Variants in C4orf50 observed in about 807,000 individuals in gnomAD.
The protein encoded by C4orf50 is uncharacterized protein C4orf50.
Under a neutral mutation model 77.2 loss-of-function variants are expected in C4orf50, and 80 were observed. The observed-to-expected ratio is 1.04, with a 90% CI of 0.87 to 1.25. The LOEUF is 1.25. Among genes scored for constraint, C4orf50 ranks in the 50% most tolerant of loss-of-function variants. C4orf50 has a pLI of 0.00. For synonymous variants in C4orf50, 532 were observed against 465.3 expected (o/e 1.14, Z -1.84); for missense variants, 1,257 against 1,152.9 (o/e 1.09, Z -1.31).
downstream of C4orf50, among the ~76,000 whole-genome samples, chr4:5,953,318 A>G (rs1455962141): frequency 6.6e-6 from 1 of 152,194 alleles, no homozygotes; most frequent in Non-Finnish European, 1.5e-5. Flanking sequence ...TTTCTTACAC[A>G]GTAATATTGC....
At chr4:5,994,671 A>T (rs1721481385) in intron 25 of C4orf50, among the ~76,000 whole-genome samples, 195 bp from the exon 4 acceptor site, 1 of 152,214 alleles carries the variant, frequency 6.6e-6, no homozygotes, top group African/African-American at 2.4e-5. Context: ...CACCAGGCCA[A>T]ACTGCCCTCT....
chr4:5,954,720 A>G (rs1483467713), downstream of C4orf50, among the ~76,000 whole-genome samples: 2 of 152,172 alleles, frequency 1.3e-5, no homozygotes, highest in Non-Finnish European at 2.9e-5. The surrounding 1 kb of genome is among the most constrained non-coding windows in gnomAD (Gnocchi z 4.7). Context: ...ATTCTTCCAG[A>G]TAAACAAATG....
intron 25 of C4orf50, among the ~76,000 whole-genome samples, chr4:6,003,916 ATGG>A (rs1169374793): frequency 0.011 from 1,355 of 121,336 alleles, 29 homozygotes; most frequent in Middle Eastern, 0.026. Context: ...GATGTTGATG[ATGG>A]TGGTGATGGT....
At chr4:5,987,913 G>A (rs1231084219) in intron 28 of C4orf50, among the ~76,000 whole-genome samples, 5 of 152,158 alleles carry the variant, frequency 3.3e-5, no homozygotes, top group African/African-American at 1.2e-4. Context: ...TTGGAACCTG[G>A]TTTTATCATG....
chr4:5,925,974 G>A (rs1002078237), intron 7 of C4orf50, among the ~76,000 whole-genome samples: 2 of 152,226 alleles, frequency 1.3e-5, no homozygotes, highest in Non-Finnish European at 2.9e-5. Flanking sequence ...TAGGCAGAGA[G>A]GGGTTCCTGT....
intron 7 of C4orf50, among the ~76,000 whole-genome samples, chr4:5,950,598 C>T (rs1405301973): frequency 6.6e-6 from 1 of 152,280 alleles, no homozygotes; most frequent in Non-Finnish European, 1.5e-5. Flanking sequence ...TCCTGCCTTC[C>T]TTCTTCAACC....
chr4:5,967,359 C>A, intron 32 of C4orf50, 55 bp downstream of exon 10: 1 of 1,435,322 alleles, frequency 7.0e-7, no homozygotes, highest in South Asian at 1.1e-5. Context: ...AGCGTCCTGC[C>A]GGCCTGGACT....
chr4:5,930,656 G>A (rs554192862), intron 7 of C4orf50, among the ~76,000 whole-genome samples: 7 of 152,320 alleles, frequency 4.6e-5, no homozygotes, highest in East Asian at 1.9e-4. Flanking sequence ...GGCCCCGCCC[G>A]CCCTGGGTGG....
intron 28 of C4orf50, among the ~76,000 whole-genome samples, chr4:5,987,187 G>C (rs1364171100): frequency 1.3e-5 from 2 of 151,970 alleles, no homozygotes; most frequent in African/African-American, 2.4e-5. Context: ...TAGGTGGGCA[G>C]ATCGCCTGAG....
intron 29 of C4orf50, among the ~76,000 whole-genome samples, chr4:5,979,745 T>C (rs148593352): frequency 2.6e-5 from 4 of 152,232 alleles, no homozygotes; most frequent in African/African-American, 7.2e-5. Flanking sequence ...CAACCAGGAA[T>C]TGAAATGGCC....
In C4orf50 at chr4:5,970,968, T is replaced by C. The variant is rs763487133; in HGVS notation, c.4104+2691A>G. Among the ~76,000 whole-genome samples, 1 of 152,118 alleles carries C rather than the reference T, an allele frequency of 6.6e-6. No homozygotes were observed. The highest frequency in any genetic ancestry group is 2.1e-4 in the South Asian group (1 of 4,826). On this transcript the variant is annotated intron_variant, in intron 31 of 33. Coordinates refer to ENST00000531445, the Ensembl canonical transcript of C4orf50. This position sits in a 1 kb window ranked among gnomAD's most constrained non-coding sequence, Gnocchi z 4.3. ...GGATAAATGAAGGCAGCCTGTCCAG[T>C]TGGGACCCTAGCCAGCCCACGCCCC...
At chr4:5,947,410 G>T (rs1392903557) in intron 7 of C4orf50, among the ~76,000 whole-genome samples, 2 of 152,232 alleles carry the variant, frequency 1.3e-5, no homozygotes, top group Non-Finnish European at 2.9e-5. Flanking sequence ...GAGAAAGGAA[G>T]TTTACCATAG....
At chr4:6,013,914 C>T (rs1044756018) in intron 23 of C4orf50, among the ~76,000 whole-genome samples, 7 of 151,848 alleles carry the variant, frequency 4.6e-5, no homozygotes, top group Non-Finnish European at 8.8e-5. Context: ...AATACACTCA[C>T]GAATATGACA....
chr4:5,962,419 T>C (rs750885114), intron 33 of C4orf50, among the ~76,000 whole-genome samples: 3 of 152,246 alleles, frequency 2.0e-5, no homozygotes, highest in Admixed American at 6.5e-5. Context: ...TTTTGGTTTA[T>C]CCATTCATGC....
At chr4:5,934,231 A>G (rs1475211494) in intron 7 of C4orf50, among the ~76,000 whole-genome samples, 2 of 152,118 alleles carry the variant, frequency 1.3e-5, no homozygotes, top group Admixed American at 1.3e-4. Flanking sequence ...TGGCGGCGAC[A>G]CAGGAGTCAC....
rs868447662 is a variant in C4orf50, at chr4:5,970,712, C to T, written c.4104+2947G>A. Reference sequence around the variant, plus strand: ...ACGTGCAGGGAGGGGAGGTGGTCACCGACTGCTGCTTGCATGGGCACCAGG... The same window carrying T: ...ACGTGCAGGGAGGGGAGGTGGTCACTGACTGCTGCTTGCATGGGCACCAGG... On this transcript the variant is annotated intron_variant, in intron 31 of 33. Coordinates refer to ENST00000531445, the Ensembl canonical transcript of C4orf50. The surrounding 1 kb of genome is among the most constrained non-coding windows in gnomAD (Gnocchi z 4.3). Among the ~76,000 whole-genome samples, 12 of 152,144 alleles carry T rather than the reference C, an allele frequency of 7.9e-5. No individual in the cohort carries two copies. In the South Asian group the frequency reaches 1.2e-3, roughly 16 times the overall value.
rs113257741 is a variant in C4orf50 at position 5,959,886 on chromosome 4, G to T, written c.4276-260C>A. Among the ~76,000 whole-genome samples the T allele has an allele frequency of 7.0e-3, 1,064 of 152,300 alleles. 10 individuals carry two copies. Among genetic ancestry groups the T allele is most frequent in the South Asian group, 0.03 (143 of 4,812 alleles). On this transcript the variant is annotated intron_variant, in intron 33 of 33. Coordinates refer to ENST00000531445, the Ensembl canonical transcript of C4orf50. Reference sequence around the variant, plus strand: ...TGAGGCTCCCTCTCCACGTCATGTGGCAGGTGCCTGACAATACAGTCATGA... The same window carrying T: ...TGAGGCTCCCTCTCCACGTCATGTGTCAGGTGCCTGACAATACAGTCATGA...
intron 30 of C4orf50, among the ~76,000 whole-genome samples, chr4:5,974,279 A>G (rs1232828456): frequency 6.6e-6 from 1 of 152,144 alleles, no homozygotes; most frequent in Non-Finnish European, 1.5e-5. Context: ...AGCACTTTAT[A>G]AGGGATTATG....
intron 23 of C4orf50, among the ~76,000 whole-genome samples, chr4:6,012,971 T>A (rs1394175139): frequency 6.6e-6 from 1 of 152,200 alleles, no homozygotes; most frequent in East Asian, 1.9e-4. Context: ...CACCTGCACA[T>A]CCAGGACAGA....
Sources: gnomAD v4.1 joint callset for allele counts (sites outside exome capture counted in the v4.1 genomes callset) on GRCh38, gnomAD v4.1.1 for gene constraint, Gnocchi (gnomAD v3.1) non-coding constraint, MANE v1.5 for transcripts, NCBI Gene and HGNC (gene_info 2026-07-23, HGNC 2026-07-21) for gene names.